SLCO4A1: variants seen among roughly 807,000 people sequenced by gnomAD.
SLCO4A1 encodes the protein solute carrier organic anion transporter family member 4A1.
In SLCO4A1, 51 loss-of-function variants were observed where a neutral mutation model predicts 64.6. The observed-to-expected ratio is 0.79, with a 90% CI of 0.63 to 1.00. The LOEUF (loss-of-function observed/expected upper bound fraction) is 1.00, where lower values mean the gene tolerates loss of function less well. SLCO4A1 is among the 50% of genes least tolerant of loss of function. The pLI is 0.00. For missense variants in SLCO4A1, 919 were observed against 980.5 expected, an observed-to-expected ratio of 0.94 and a Z score of 0.84; for synonymous variants, 471 against 444.9, an observed-to-expected ratio of 1.06 and a Z score of -0.74.
chr20:62,666,549 G>A lies in SLCO4A1; in HGVS notation c.1446G>A (p.Ala482=), dbSNP rs139058070. The A allele has an allele frequency of 6.8e-6, 11 of 1,612,726 alleles. No homozygotes were observed. The highest frequency in any genetic ancestry group is 2.2e-5 in the East Asian group (1 of 44,894). Residue 482 remains alanine, a synonymous_variant, in exon 7 of 12, where the codon GCG becomes GCA. Transcript: ENST00000217159. ...FSLHCPSVPM[A]GVTASYGGSL... Reference sequence around the variant, plus strand: ...TGCACTGCCCCAGTGTGCCCATGGCGGGCGTCACAGCCAGCTACGGCGGGA... The same window carrying A: ...TGCACTGCCCCAGTGTGCCCATGGCAGGCGTCACAGCCAGCTACGGCGGGA...
At chr20:62,667,195 C>A (rs1011710447) in intron 7 of SLCO4A1, among the ~76,000 whole-genome samples, 3 of 152,204 alleles carry the variant, frequency 2.0e-5, no homozygotes, top group African/African-American at 7.2e-5. Flanking sequence ...GGAGGAAGCT[C>A]ATCCTGGGCC....
intron 2 of SLCO4A1, among the ~76,000 whole-genome samples, chr20:62,683,958 C>T (rs1446689183): frequency 7.9e-4 from 46 of 58,454 alleles, no homozygotes; most frequent in African/African-American, 3.3e-3. Context: ...GCTCACGCAA[C>T]GATCTCACGT....
Position 62,685,522 on chromosome 20 carries a change from G to A in SLCO4A1, n.293G>A. ...CTCCTTGAATTGGATTTTCACCAAG[G>A]CCGTGATGGATGTGGAGTCTCGGCT... is the stretch of plus-strand genomic sequence containing the variant. On this transcript the variant is annotated non_coding_transcript_exon_variant, in exon 3 of 3. Coordinates refer to the SLCO4A1 transcript ENST00000466818. The surrounding 1 kb of genome is among the most constrained non-coding windows in gnomAD (Gnocchi z 4.6). 1 of 875,888 alleles carries A rather than the reference G, an allele frequency of 1.1e-6. No individual in the cohort carries two copies. The highest frequency in any genetic ancestry group is 1.4e-6 in the Non-Finnish European group (1 of 730,060). 54.3% of individuals were successfully genotyped at this position (875,888 alleles called of 1,614,324 possible).
chr20:62,666,889 T>C (rs2147099911), intron 7 of SLCO4A1, among the ~76,000 whole-genome samples: 1 of 152,158 alleles, frequency 6.6e-6, no homozygotes, highest in Non-Finnish European at 1.5e-5. Context: ...TCGGGGTCCT[T>C]GAGGCTGGTC....
In SLCO4A1 at chr20:62,668,110, C is replaced by T. The variant is rs1986702416; in HGVS notation, c.1737C>T (p.Leu579=). The change falls in exon 9 of 12, where the codon CTC becomes CTT. Residue 579 remains leucine (L), a synonymous_variant. Coordinates refer to ENST00000217159, the MANE Select transcript of SLCO4A1 (RefSeq NM_016354.4). The part of the protein sequence containing the change: ...KCTSTCQRKP[L]LLVFIFVVIF... Reference sequence around the variant, plus strand: ...CTTCAACTTGTCAGAGAAAGCCCCTCCTTCTGGTTTTCATATTCGTTGTAA... The same window carrying T: ...CTTCAACTTGTCAGAGAAAGCCCCTTCTTCTGGTTTTCATATTCGTTGTAA... 3.7e-6 allele frequency: 6 copies of T among 1,614,038 alleles called. 1 individual carries two copies. The highest frequency in any genetic ancestry group is 5.1e-6 in the Non-Finnish European group (6 of 1,180,042).
chr20:62,655,493 G>A (rs944696987), intron 1 of SLCO4A1, among the ~76,000 whole-genome samples: 4 of 152,240 alleles, frequency 2.6e-5, no homozygotes, highest in Non-Finnish European at 5.9e-5. Context: ...TTGGGCAGTA[G>A]GGGGGAGCTG....
At chr20:62,683,240 T>C (rs1205045289) in intron 2 of SLCO4A1, among the ~76,000 whole-genome samples, 6 of 152,216 alleles carry the variant, frequency 3.9e-5, no homozygotes, top group Non-Finnish European at 1.5e-5. Flanking sequence ...ATTCATAACT[T>C]GATCATTTAT....
rs1984515918 is a variant in SLCO4A1 at position 62,660,272 on chromosome 20, C to T, written c.888-140C>T. On this transcript the variant is annotated intron_variant, in intron 3 of 11. Transcript: ENST00000217159. ...AAGGGACAGGACCTGTGGCCAGCAG[C>T]ACCAGGGGCCTGTGTTGACCAGCGT... is the stretch of plus-strand genomic sequence containing the variant. 1.3e-5 allele frequency: 12 copies of T among 929,574 alleles called. No individual in the cohort carries two copies. The East Asian group carries it at 3.0e-4, about 23-fold the overall frequency. 57.6% of individuals were successfully genotyped at this position (929,574 alleles called of 1,614,324 possible).
chr20:62,656,009 A>G (rs1323640635), intron 1 of SLCO4A1, among the ~76,000 whole-genome samples: 12 of 151,808 alleles, frequency 7.9e-5, no homozygotes, highest in Admixed American at 7.9e-4. Flanking sequence ...TCTCAGCTCC[A>G]CTCTCCACCG....
At position 62,656,432 on chromosome 20, in the gene SLCO4A1, G is replaced by A. The variant is rs959943503; in HGVS notation, c.-23G>A. On this transcript the variant is annotated 5_prime_UTR_variant, in exon 2 of 12. Transcript: ENST00000217159. ...TCCCACTGCGTGGCTGAAGCCTCGAGGTCACCAGGCGGAGGCGCGGAGATG... is the reference window on the plus strand; with the variant it reads ...TCCCACTGCGTGGCTGAAGCCTCGAAGTCACCAGGCGGAGGCGCGGAGATG... The A allele has an allele frequency of 2.1e-6, 3 of 1,455,258 alleles. No individual in the cohort carries two copies. The highest frequency in any genetic ancestry group is 2.7e-6 in the Non-Finnish European group (3 of 1,103,880). The allele number at this position is 1,455,258 out of a possible 1,614,324, so 90.1% of individuals were successfully genotyped here.
At chr20:62,659,930 A>G (rs997306152) in intron 3 of SLCO4A1, among the ~76,000 whole-genome samples, 4 of 151,956 alleles carry the variant, frequency 2.6e-5, no homozygotes, top group Non-Finnish European at 5.9e-5. Context: ...GTTATTTTCC[A>G]CTCGCCTTTT....
At chr20:62,646,446 T>G (rs1335583104) in intron 1 of SLCO4A1, among the ~76,000 whole-genome samples, 1 of 152,236 alleles carries the variant, frequency 6.6e-6, no homozygotes, top group East Asian at 1.9e-4. Flanking sequence ...TCCCCCCACA[T>G]GCAGGAAAAC....
intron 7 of SLCO4A1, 85 bp downstream of exon 7, chr20:62,666,660 T>A: frequency 1.7e-6 from 2 of 1,202,490 alleles, no homozygotes; most frequent in Non-Finnish European, 2.4e-6. Flanking sequence ...GTGCAGCACT[T>A]GGGAGAGGTG....
intron 5 of SLCO4A1, chr20:62,663,148 C>G (rs563214571): frequency 6.6e-6 from 1 of 152,236 alleles, no homozygotes; most frequent in East Asian, 1.9e-4. Flanking sequence ...AGGCAGAGTG[C>G]CTGTGAGGCT....
In SLCO4A1 at chr20:62,668,927, C is replaced by A. The variant is rs1279624897; in HGVS notation, c.1877-3C>A. The A allele has an allele frequency of 6.2e-7, 1 of 1,601,888 alleles. No individual in the cohort carries two copies. Among genetic ancestry groups the A allele is most frequent in the African/African-American group, 1.3e-5 (1 of 74,838 alleles). ...TGGGTGCTGAGTGGGCTTCTCTCCG[C>A]AGGGGGCATCCCGGGGCCCATCGCC... On this transcript the variant is annotated splice_polypyrimidine_tract_variant and splice_region_variant and intron_variant, in intron 10 of 11. Coordinates refer to ENST00000217159, the MANE Select transcript of SLCO4A1 (RefSeq NM_016354.4).
intron 7 of SLCO4A1, chr20:62,667,431 T>C (rs1248355260): frequency 6.1e-6 from 2 of 326,992 alleles, no homozygotes; most frequent in Non-Finnish European, 1.1e-5. Context: ...TCTTTCCTAA[T>C]GTTTGTATTT....
intron 6 of SLCO4A1, 114 bp downstream of exon 6, chr20:62,665,202 C>G: frequency 8.4e-7 from 1 of 1,187,398 alleles, no homozygotes; most frequent in Non-Finnish European, 1.2e-6. Flanking sequence ...TGAGTGCCCT[C>G]CCACCCCCGC....
intron 2 of SLCO4A1, among the ~76,000 whole-genome samples, chr20:62,679,315 G>A (rs1334808745): frequency 1.3e-5 from 2 of 152,090 alleles, no homozygotes; most frequent in South Asian, 2.1e-4. Flanking sequence ...GTGTCCTGAC[G>A]GTGGACGTGG....
intron 2 of SLCO4A1, among the ~76,000 whole-genome samples, chr20:62,684,416 G>A (rs371435428): frequency 2.6e-5 from 4 of 152,224 alleles, no homozygotes; most frequent in African/African-American, 4.8e-5. Flanking sequence ...TGATTGGCCC[G>A]TGATGGCCTC....
Sources: gnomAD v4.1 joint callset for allele counts (sites outside exome capture counted in the v4.1 genomes callset) on GRCh38, gnomAD v4.1.1 for gene constraint, Gnocchi (gnomAD v3.1) non-coding constraint, MANE v1.5 for transcripts, NCBI Gene and HGNC (gene_info 2026-07-23, HGNC 2026-07-21) for gene names.